Variants in DPPA2 observed in about 807,000 individuals in gnomAD.
The protein encoded by DPPA2 is developmental pluripotency associated 2.
Under a neutral mutation model 36.2 loss-of-function variants are expected in DPPA2, and 26 were observed. That is an observed-to-expected ratio of 0.72 (90% CI 0.53 to 1.00). The LOEUF (loss-of-function observed/expected upper bound fraction) is 1.00, where lower values mean the gene tolerates loss of function less well. DPPA2 is among the 50% of genes least tolerant of loss of function. The pLI is 0.00. For missense variants in DPPA2, 361 were observed against 365.1 expected, an observed-to-expected ratio of 0.99 and a Z score of 0.09; for synonymous variants, 113 against 123.2, an observed-to-expected ratio of 0.92 and a Z score of 0.55.
intron 6 of DPPA2, 76 bp downstream of exon 6, chr3:109,307,956 C>T (rs1707609068): frequency 2.0e-6 from 3 of 1,508,056 alleles, no homozygotes; most frequent in South Asian, 2.6e-5. Flanking sequence ...TTCCCTTTGA[C>T]CACGTTTCAG....
Position 109,312,540 on chromosome 3 carries a change from C to G in DPPA2, c.181+5G>C, listed in dbSNP as rs1244520768. The G allele has an allele frequency of 6.2e-7, 1 of 1,611,564 alleles. No homozygotes were observed. The highest frequency in any genetic ancestry group is 8.5e-7 in the Non-Finnish European group (1 of 1,178,510). On this transcript the variant is annotated splice_donor_5th_base_variant and intron_variant, in intron 3 of 8. Transcript: ENST00000478945. ...TAACTAACTGAGCAATCCCTGTCCTCATACCTGGATTGTATTTCTTAGGCT... is the reference window on the plus strand; with the variant it reads ...TAACTAACTGAGCAATCCCTGTCCTGATACCTGGATTGTATTTCTTAGGCT...
At chr3:109,312,826 G>A in intron 2 of DPPA2, 134 bp from the exon 3 acceptor site, 1 of 1,160,296 alleles carries the variant, frequency 8.6e-7, no homozygotes. Flanking sequence ...GGGATTCCTA[G>A]AATGTGATGT....
At chr3:109,298,801 G>C (rs1707405716) in intron 8 of DPPA2, among the ~76,000 whole-genome samples, 6 of 150,910 alleles carry the variant, frequency 4.0e-5, no homozygotes, top group Admixed American at 4.0e-4. Flanking sequence ...GATTAAGCGA[G>C]TGGATTGCTT....
intron 7 of DPPA2, among the ~76,000 whole-genome samples, chr3:109,302,623 T>C (rs1438083802): frequency 1.3e-5 from 2 of 152,000 alleles, no homozygotes; most frequent in Non-Finnish European, 2.9e-5. Flanking sequence ...CCAGCTAATT[T>C]TTGTGTTTTT....
chr3:109,308,382 G>A, intron 5 of DPPA2, 89 bp from the exon 6 acceptor site: 1 of 1,442,890 alleles, frequency 6.9e-7, no homozygotes, highest in African/African-American at 1.4e-5. Context: ...TTTTTTTTGA[G>A]ACGGAGTCTC....
intron 2 of DPPA2, 104 bp downstream of exon 2, chr3:109,314,406 C>T (rs1707756627): frequency 1.7e-6 from 2 of 1,187,360 alleles, no homozygotes; most frequent in East Asian, 5.0e-5. Flanking sequence ...AGATTTCTTA[C>T]ATCCAGGAAT....
intron 5 of DPPA2, among the ~76,000 whole-genome samples, chr3:109,308,705 T>G (rs1200367839): frequency 6.6e-6 from 1 of 152,144 alleles, no homozygotes; most frequent in African/African-American, 2.4e-5. Context: ...TATGTCAATG[T>G]GGGAAGGGTT....
At chr3:109,305,803 A>C (rs573579364) in intron 6 of DPPA2, among the ~76,000 whole-genome samples, 2 of 151,406 alleles carry the variant, frequency 1.3e-5, no homozygotes, top group Admixed American at 6.6e-5. Context: ...CGCGTAAGGA[A>C]CAATTTAAGT....
At chr3:109,307,435 C>T (rs1364144097) in intron 6 of DPPA2, among the ~76,000 whole-genome samples, 1 of 151,462 alleles carries the variant, frequency 6.6e-6, no homozygotes, top group East Asian at 2.0e-4. Flanking sequence ...AACCCCCTCT[C>T]TACTAAAAAT....
intron 6 of DPPA2, among the ~76,000 whole-genome samples, chr3:109,307,593 A>C (rs1707601556): frequency 6.8e-6 from 1 of 147,304 alleles, no homozygotes; most frequent in Non-Finnish European, 1.5e-5. Flanking sequence ...ACAAGAGCGA[A>C]ACTCCATCTC....
intron 8 of DPPA2, chr3:109,295,503 C>A (rs1046167158): frequency 6.6e-6 from 1 of 151,730 alleles, no homozygotes; most frequent in African/African-American, 2.4e-5. Flanking sequence ...ACCTCGGCCT[C>A]TCAAAGTGCT....
chr3:109,304,789 G>T, intron 6 of DPPA2, 119 bp from the exon 7 acceptor site: 1 of 990,038 alleles, frequency 1.0e-6, no homozygotes, highest in Non-Finnish European at 1.5e-6. Context: ...TGAATGAGAT[G>T]CATGAAAACC....
At chr3:109,301,542 C>T (rs563126969) in intron 7 of DPPA2, among the ~76,000 whole-genome samples, 2 of 152,028 alleles carry the variant, frequency 1.3e-5, no homozygotes, top group East Asian at 3.9e-4. Flanking sequence ...ATCCCAGCTA[C>T]TCCGGAGGCT....
Position 109,309,073 on chromosome 3 carries a change from C to T in DPPA2, c.349G>A (p.Glu117Lys), listed in dbSNP as rs780208223. The T allele has an allele frequency of 3.7e-6, 6 of 1,613,992 alleles. No homozygotes were observed. The African/African-American group carries it at 4.0e-5, about 11-fold the overall frequency. ...LGLSTNGKKI[E>K]VYLRLHRHAY... ...TGCCTATGAAGCCTCAGATAAACTTCGATTTTCTTAGGAAATGAAGAGAGA... is the reference window on the plus strand; with the variant it reads ...TGCCTATGAAGCCTCAGATAAACTTTGATTTTCTTAGGAAATGAAGAGAGA... The change falls in exon 5 of 9, where the codon GAA becomes AAA. Residue 117 changes from glutamate to lysine, a missense_variant. Transcript: ENST00000478945.
At chr3:109,302,070 A>G (rs1479750511) in intron 7 of DPPA2, among the ~76,000 whole-genome samples, 1 of 151,736 alleles carries the variant, frequency 6.6e-6, no homozygotes, top group Admixed American at 6.6e-5. Context: ...CCCTTTACTC[A>G]CTCATCTGCT....
chr3:109,304,420 C>G, intron 7 of DPPA2, 55 bp downstream of exon 7: 1 of 1,478,518 alleles, frequency 6.8e-7, no homozygotes, highest in Non-Finnish European at 9.1e-7. Context: ...TTTAGAAATC[C>G]ATCTATACAC....
At chr3:109,305,481 G>C (rs1045814732) in intron 6 of DPPA2, among the ~76,000 whole-genome samples, 1 of 151,940 alleles carries the variant, frequency 6.6e-6, no homozygotes, top group African/African-American at 2.4e-5. Flanking sequence ...CTGTTTAAAA[G>C]TGTAAGGAAC....
chr3:109,303,262 C>T lies in DPPA2; in HGVS notation c.854+1213G>A, dbSNP rs115075218. Among the ~76,000 whole-genome samples the T allele has an allele frequency of 2.4e-3, 367 of 151,942 alleles. 1 individual carries two copies. Among genetic ancestry groups the T allele is most frequent in the African/African-American group, 8.5e-3 (352 of 41,444 alleles). On this transcript the variant is annotated intron_variant, in intron 7 of 8. Coordinates refer to ENST00000478945, the MANE Select transcript of DPPA2 (RefSeq NM_138815.4). ...TTTTATTTCCCTGTGTTTGTACTGA[C>T]GACTTCCACAACTGGTAAGCTCTTC...
At chr3:109,314,861 C>A (rs944684639) in intron 1 of DPPA2, among the ~76,000 whole-genome samples, 6 of 151,944 alleles carry the variant, frequency 3.9e-5, no homozygotes, top group Non-Finnish European at 5.9e-5. Context: ...TCCAGGAGTT[C>A]GAGATCAGCC....
Sources: allele counts gnomAD v4.1 joint callset (sites outside exome capture counted in the v4.1 genomes callset), GRCh38; gene constraint gnomAD v4.1.1; transcripts MANE v1.5; gene names NCBI Gene and HGNC (gene_info 2026-07-23, HGNC 2026-07-21).